ZBTB38: variants seen among roughly 807,000 people sequenced by gnomAD.
The protein encoded by ZBTB38 is zinc finger and BTB domain containing 38.
A neutral mutation model predicts 76.8 loss-of-function variants in ZBTB38; 20 were observed. The observed-to-expected ratio is 0.26, with a 90% CI of 0.18 to 0.38. The LOEUF is 0.38. Among genes scored for constraint, ZBTB38 ranks in the 10% least tolerant of loss-of-function variants. The pLI is 1.00. For missense variants in ZBTB38, 1,082 were observed against 1,482.3 expected (o/e 0.73, Z 4.43); for synonymous variants, 504 against 544.2 (o/e 0.93, Z 1.03).
At chr3:141,364,573 A>G (rs1343071566), upstream of ZBTB38, among the ~76,000 whole-genome samples, 1 of 148,206 alleles carries the variant, frequency 6.7e-6, no homozygotes, top group African/African-American at 2.5e-5. Context: ...GCTACTCGGG[A>G]GGCTGAGGCA....
In ZBTB38 at chr3:141,389,054, G is replaced by A. The variant is rs573035496; in HGVS notation, c.-106+2117G>A. 8.5e-5 allele frequency: 13 copies of A among 152,214 alleles called. No homozygotes were observed. In the East Asian group the frequency reaches 1.7e-3, roughly 20 times the overall value. The allele number at this position is 152,214 out of a possible 1,614,324, so 9.4% of individuals were successfully genotyped here. A position where few individuals can be genotyped will look rare whatever the true frequency, so the allele number is the denominator to read the frequency against. On this transcript the variant is annotated intron_variant, in intron 4 of 5. Coordinates refer to ENST00000321464, the MANE Select transcript of ZBTB38 (RefSeq NM_001376113.1). ...CTCCGTTGGTAACCTCAGTGCTGTCGGTAGAAAAGGACCCACATCCAAGCC... is the reference window on the plus strand; with the variant it reads ...CTCCGTTGGTAACCTCAGTGCTGTCAGTAGAAAAGGACCCACATCCAAGCC...
Position 141,437,921 on chromosome 3 carries a change from A to T in ZBTB38, c.1-4468A>T, listed in dbSNP as rs960128089. Among the ~76,000 whole-genome samples the T allele has an allele frequency of 1.7e-4, 26 of 151,594 alleles. No homozygotes were observed. The East Asian group carries it at 4.5e-3, about 26-fold the overall frequency. On this transcript the variant is annotated intron_variant, in intron 5 of 5. Transcript: ENST00000321464. Reference sequence around the variant, plus strand: ...CTTTTTCTTTTTCTTTTATTTATTTATTTTTTTTGAGATGGAGTCTCGCTC... The same window carrying T: ...CTTTTTCTTTTTCTTTTATTTATTTTTTTTTTTTGAGATGGAGTCTCGCTC...
chr3:141,396,626 T>C, intron 4 of ZBTB38: 1 of 172,940 alleles, frequency 5.8e-6, no homozygotes, highest in Middle Eastern at 1.6e-3. Flanking sequence ...GCAATCACTG[T>C]CTATGGCAGT....
intron 5 of ZBTB38, among the ~76,000 whole-genome samples, chr3:141,429,749 C>T (rs956309302): frequency 4.6e-5 from 7 of 152,182 alleles, no homozygotes; most frequent in Admixed American, 4.6e-4. Context: ...CCCTCCGAGG[C>T]GACATTTGAG....
At chr3:141,440,578 A>G (rs2079899586) in intron 5 of ZBTB38, among the ~76,000 whole-genome samples, 1 of 152,244 alleles carries the variant, frequency 6.6e-6, no homozygotes, top group Non-Finnish European at 1.5e-5. Flanking sequence ...ACGTCTCTTA[A>G]TACAGAATAG....
At chr3:141,399,122 T>C (rs556964247) in intron 4 of ZBTB38, among the ~76,000 whole-genome samples, 2 of 121,812 alleles carry the variant, frequency 1.6e-5, no homozygotes, top group South Asian at 4.5e-4. Flanking sequence ...ATCAGATTTA[T>C]ATTCCTTTTT....
chr3:141,373,221 A>G (rs1271841856), intron 2 of ZBTB38, among the ~76,000 whole-genome samples: 1 of 152,274 alleles, frequency 6.6e-6, no homozygotes, highest in Admixed American at 6.5e-5. Flanking sequence ...ACAGCCTGGG[A>G]AAAGTTAGAC....
chr3:141,408,297 A>G (rs1025676517), intron 5 of ZBTB38, among the ~76,000 whole-genome samples: 1 of 152,276 alleles, frequency 6.6e-6, no homozygotes, highest in Non-Finnish European at 1.5e-5. Context: ...CTGTAATCCC[A>G]GCACTGTGGG....
rs202159877 is a variant in ZBTB38 at position 141,445,743 on chromosome 3, G to A, written c.3355G>A (p.Glu1119Lys). 19 of 1,614,186 alleles carry A rather than the reference G, an allele frequency of 1.2e-5. No individual in the cohort carries two copies. Among genetic ancestry groups the A allele is most frequent in the Non-Finnish European group, 1.5e-5 (18 of 1,180,044 alleles). The change falls in exon 6 of 6, where the codon GAG (glutamate) becomes AAG (lysine). Residue 1119 changes from glutamate (E) to lysine (K), a missense_variant. Coordinates refer to ENST00000321464, the MANE Select transcript of ZBTB38 (RefSeq NM_001376113.1). The surrounding 1 kb of genome is among the most constrained non-coding windows in gnomAD (Gnocchi z 6.5). ...KRNHEQRHIREHNGKGYACFQ... is the reference protein window; with the variant it reads ...KRNHEQRHIRKHNGKGYACFQ... ...GAATCACGAGCAGAGGCATATTCGG[G>A]AGCATAATGGGAAGGGCTATGCCTG...
intron 1 of ZBTB38, among the ~76,000 whole-genome samples, chr3:141,332,989 G>T (rs534283686): frequency 6.6e-6 from 1 of 152,136 alleles, no homozygotes; most frequent in Non-Finnish European, 1.5e-5. Flanking sequence ...CTGTAGAAAG[G>T]GGTTTCTTAA....
chr3:141,360,230 C>G (rs1943779815), intron 1 of ZBTB38, among the ~76,000 whole-genome samples: 1 of 152,154 alleles, frequency 6.6e-6, no homozygotes, highest in South Asian at 2.1e-4. Flanking sequence ...TGTCATAGAC[C>G]ATCTTAGCTC....
Position 141,447,180 on chromosome 3 carries a change from C to T in ZBTB38, c.*1204C>T, listed in dbSNP as rs1278494383. The T allele has an allele frequency of 6.5e-6, 1 of 152,726 alleles. No individual in the cohort carries two copies. The highest frequency in any genetic ancestry group is 1.9e-4 in the East Asian group (1 of 5,180). 9.5% of individuals were successfully genotyped at this position (152,726 alleles called of 1,614,324 possible). ...AAGCAAAAGGACAAAGGAACCCCCA[C>T]CCTCCACCCCACCCATTAATGACTT... On this transcript the variant is annotated 3_prime_UTR_variant, in exon 6 of 6. Coordinates refer to ENST00000321464, the MANE Select transcript of ZBTB38 (RefSeq NM_001376113.1).
At chr3:141,331,559 T>A (rs1942853447) in intron 1 of ZBTB38, among the ~76,000 whole-genome samples, 1 of 152,194 alleles carries the variant, frequency 6.6e-6, no homozygotes. Flanking sequence ...GTTTTTTTTT[T>A]ATTGCTCACA....
upstream of ZBTB38, among the ~76,000 whole-genome samples, chr3:141,366,081 T>C (rs1217091603): frequency 6.6e-6 from 1 of 152,228 alleles, no homozygotes; most frequent in Non-Finnish European, 1.5e-5. Context: ...GCCATTGTAC[T>C]TACTTCTCTG....
At chr3:141,414,951 A>C (rs2073617629) in intron 5 of ZBTB38, among the ~76,000 whole-genome samples, 1 of 141,076 alleles carries the variant, frequency 7.1e-6, no homozygotes, top group African/African-American at 2.7e-5. Flanking sequence ...ATATCTTTTA[A>C]CCCTGCCCTT....
chr3:141,350,343 C>T (rs1445836509), intron 1 of ZBTB38, among the ~76,000 whole-genome samples: 1 of 152,078 alleles, frequency 6.6e-6, no homozygotes, highest in Non-Finnish European at 1.5e-5. Flanking sequence ...GTTTAGTAAC[C>T]ACTCTGATTA....
In ZBTB38 at chr3:141,445,963, ATGT is replaced by A. The variant is rs1377321099; in HGVS notation, c.3579_3581del (p.Val1194del). 18 of 1,578,718 alleles carry A rather than the reference ATGT, an allele frequency of 1.1e-5. No individual in the cohort carries two copies. The highest frequency in any genetic ancestry group is 4.5e-5 in the East Asian group (2 of 44,528). On this transcript the variant is annotated inframe_deletion, in exon 6 of 6. Coordinates refer to ENST00000321464, the MANE Select transcript of ZBTB38 (RefSeq NM_001376113.1). This position sits in a 1 kb window ranked among gnomAD's most constrained non-coding sequence, Gnocchi z 6.5. ...GATAACATACAAACCGGTGTGGAAA[ATGT>A]TGTCCTTTGAGTGGCAAGAATTAGA...
At chr3:141,336,089 T>C (rs1431831959) in intron 1 of ZBTB38, among the ~76,000 whole-genome samples, 1 of 152,198 alleles carries the variant, frequency 6.6e-6, no homozygotes, top group East Asian at 1.9e-4. Context: ...ACTAGCAGAC[T>C]GAAAGCAGAC....
At chr3:141,338,339 C>T (rs1275132001) in intron 1 of ZBTB38, among the ~76,000 whole-genome samples, 1 of 152,212 alleles carries the variant, frequency 6.6e-6, no homozygotes, top group Non-Finnish European at 1.5e-5. Context: ...TGTAAAGACA[C>T]ATGGATGCAT....
Sources: allele counts gnomAD v4.1 joint callset (sites outside exome capture counted in the v4.1 genomes callset), GRCh38; gene constraint gnomAD v4.1.1; non-coding constraint Gnocchi (gnomAD v3.1); transcripts MANE v1.5; gene names NCBI Gene and HGNC (gene_info 2026-07-23, HGNC 2026-07-21).